EYS: variants seen among roughly 807,000 people sequenced by gnomAD.
EYS encodes the protein protein eyes shut homolog.
A neutral mutation model predicts 282.1 loss-of-function variants in EYS; 250 were observed. That is an observed-to-expected ratio of 0.89 (90% CI 0.80 to 0.98). The LOEUF (loss-of-function observed/expected upper bound fraction) is 0.98. EYS is among the 50% of genes least tolerant of loss of function. The probability of loss-of-function intolerance (pLI) is 0.00; values close to 1 mark genes in which losing one functional copy is unlikely to be tolerated. For missense variants in EYS, 4,016 were observed against 3,709.0 expected (o/e 1.08, Z -2.15); for synonymous variants, 1,355 against 1,282.9 (o/e 1.06, Z -1.20).
intron 30 of EYS, among the ~76,000 whole-genome samples, chr6:64,295,472 GAAGAAGAAGAAGAAGAAGAAGAAGA>G (rs1768916356): frequency 5.1e-5 from 2 of 39,558 alleles, no homozygotes; most frequent in South Asian, 2.0e-3. Context: ...AGAAGAAGAA[GAAGAAGAAGAAGAAGAAGAAGAAGA>G]AAGAAGAAAG....
intron 30 of EYS, among the ~76,000 whole-genome samples, chr6:64,238,179 C>T (rs1348038242): frequency 6.6e-6 from 1 of 152,240 alleles, no homozygotes; most frequent in East Asian, 1.9e-4. Flanking sequence ...TATTCTTTAG[C>T]TATTACACAG....
At chr6:64,251,234 C>T (rs1767204604) in intron 30 of EYS, among the ~76,000 whole-genome samples, 1 of 152,152 alleles carries the variant, frequency 6.6e-6, no homozygotes, top group Non-Finnish European at 1.5e-5. Flanking sequence ...TACAGTCCTT[C>T]AGCTTATCTC....
chr6:64,348,673 G>C (rs753790935), intron 29 of EYS, among the ~76,000 whole-genome samples: 2 of 151,372 alleles, frequency 1.3e-5, no homozygotes, highest in Non-Finnish European at 3.0e-5. Flanking sequence ...AAACTTGTTT[G>C]GGAAAGGACG....
intron 33 of EYS, among the ~76,000 whole-genome samples, chr6:64,028,033 A>G (rs1053422386): frequency 2.0e-5 from 3 of 152,174 alleles, no homozygotes; most frequent in East Asian, 1.9e-4. Context: ...CTCAGTTGTA[A>G]TTGGGAGACT....
At chr6:65,372,963 A>G (rs1765219354) in intron 8 of EYS, among the ~76,000 whole-genome samples, 1 of 152,264 alleles carries the variant, frequency 6.6e-6, no homozygotes, top group East Asian at 1.9e-4. Flanking sequence ...CATTAAATGC[A>G]TATTAAAAAA....
chr6:65,071,541 AC>A (rs757299014), intron 12 of EYS, among the ~76,000 whole-genome samples: 6 of 151,816 alleles, frequency 4.0e-5, no homozygotes, highest in Non-Finnish European at 7.4e-5. Flanking sequence ...GGCATGCACA[AC>A]AAAATTTAGT....
intron 35 of EYS, among the ~76,000 whole-genome samples, chr6:63,913,158 A>C (rs1764321001): frequency 6.6e-6 from 1 of 152,358 alleles, no homozygotes; most frequent in East Asian, 1.9e-4. Flanking sequence ...GCCAGAAAGC[A>C]ACTCTATGAG....
intron 12 of EYS, among the ~76,000 whole-genome samples, chr6:65,289,152 T>C (rs999106573): frequency 2.0e-5 from 3 of 150,994 alleles, no homozygotes; most frequent in Non-Finnish European, 4.5e-5. Context: ...CATAAATAGA[T>C]TTAAATAAGA....
intron 5 of EYS, among the ~76,000 whole-genome samples, chr6:65,485,821 A>G (rs1241688979): frequency 1.3e-5 from 2 of 152,034 alleles, no homozygotes; most frequent in Non-Finnish European, 1.5e-5. Context: ...AAAAAATGTG[A>G]GCCATATTAA....
At chr6:63,790,727 T>C (rs910718937) in intron 37 of EYS, among the ~76,000 whole-genome samples, 1 of 152,188 alleles carries the variant, frequency 6.6e-6, no homozygotes, top group African/African-American at 2.4e-5. Context: ...AGGCAGCTGT[T>C]GGGATATAGA....
chr6:64,493,370 A>G (rs1259692788), intron 26 of EYS, among the ~76,000 whole-genome samples: 1 of 151,538 alleles, frequency 6.6e-6, no homozygotes, highest in African/African-American at 2.4e-5. Flanking sequence ...CAGGATTATA[A>G]ATAAGAACAG....
At chr6:64,427,707 T>G (rs1019916548) in intron 28 of EYS, among the ~76,000 whole-genome samples, 1 of 152,112 alleles carries the variant, frequency 6.6e-6, no homozygotes, top group African/African-American at 2.4e-5. Flanking sequence ...GTCATCTAAA[T>G]GAACATAGAA....
chr6:64,906,218 GAATT>G (rs1767821681), intron 16 of EYS, among the ~76,000 whole-genome samples: 1 of 150,972 alleles, frequency 6.6e-6, no homozygotes. Context: ...TGAATATACA[GAATT>G]AATATTTCCA....
Position 65,550,145 on chromosome 6 carries a change from T to TTC in EYS, c.-332-54153_-332-54152insGA, listed in dbSNP as rs1204296037. On this transcript the variant is annotated intron_variant, in intron 2 of 42. Transcript: ENST00000503581. ...GTTAGTATCTGACTCTACTATATCT[T>TTC]TTTTTTTTTTTTTTTTTTTTTTTTT... Among the ~76,000 whole-genome samples the TTC allele has an allele frequency of 2.5e-3, 37 of 14,716 alleles. 6 individuals carry two copies. The South Asian group carries it at 0.026, about 10-fold the overall frequency. 9.7% of individuals were successfully genotyped at this position (14,716 alleles called of 152,430 possible). A position where few individuals can be genotyped will look rare whatever the true frequency, so the allele number is the denominator to read the frequency against.
intron 12 of EYS, among the ~76,000 whole-genome samples, chr6:65,173,252 T>C (rs1000277335): frequency 3.3e-5 from 5 of 151,334 alleles, no homozygotes; most frequent in Non-Finnish European, 5.9e-5. Flanking sequence ...GTAGTTCTTT[T>C]GGAACATGCT....
rs562143526 is a variant in EYS, at chr6:65,052,591, T to C, written c.2137+5023A>G. ...GGTATCCGAACATGGAAAATATGTATGCAGTCTGGATCCTGCTTTGCTACA... is the reference window on the plus strand; with the variant it reads ...GGTATCCGAACATGGAAAATATGTACGCAGTCTGGATCCTGCTTTGCTACA... On this transcript the variant is annotated intron_variant, in intron 13 of 42. Coordinates refer to ENST00000503581, the MANE Select transcript of EYS (RefSeq NM_001142800.2). Among the ~76,000 whole-genome samples the C allele has an allele frequency of 4.9e-4, 75 of 151,690 alleles. 1 individual carries two copies. Among genetic ancestry groups the C allele is most frequent in the African/African-American group, 1.8e-3 (74 of 41,512 alleles).
At chr6:64,100,220 T>G (rs1772778972) in intron 31 of EYS, among the ~76,000 whole-genome samples, 3 of 152,324 alleles carry the variant, frequency 2.0e-5, no homozygotes, top group Admixed American at 2.0e-4. Flanking sequence ...CTTGCATATT[T>G]GCTTTGTCTC....
At chr6:65,218,854 C>A (rs368817997) in intron 12 of EYS, among the ~76,000 whole-genome samples, 2 of 151,782 alleles carry the variant, frequency 1.3e-5, no homozygotes, top group African/African-American at 2.4e-5. Flanking sequence ...CTTTTGTGGT[C>A]GGGTAGAGAA....
At chr6:63,980,215 TG>T (rs1313422967) in intron 35 of EYS, among the ~76,000 whole-genome samples, 2 of 151,762 alleles carry the variant, frequency 1.3e-5, no homozygotes. Flanking sequence ...CTTCACTTAT[TG>T]GGGAAAATAG....
Sources: allele counts gnomAD v4.1 joint callset (sites outside exome capture counted in the v4.1 genomes callset), GRCh38; gene constraint gnomAD v4.1.1; transcripts MANE v1.5; gene names NCBI Gene and HGNC (gene_info 2026-07-23, HGNC 2026-07-21).